FBXO4: variants seen among roughly 807,000 people sequenced by gnomAD.
FBXO4 encodes F-box protein 4.
In FBXO4, 36 loss-of-function variants were observed where a neutral mutation model predicts 43.7. The ratio of observed to expected loss-of-function variants is 0.82; its 90% CI spans 0.63 to 1.09. The LOEUF (loss-of-function observed/expected upper bound fraction) is 1.09, where lower values mean the gene tolerates loss of function less well. Among genes scored for constraint, FBXO4 ranks in the 50% least tolerant of loss-of-function variants. The probability of loss-of-function intolerance (pLI) is 0.00; values close to 1 mark genes in which losing one functional copy is unlikely to be tolerated. For missense variants in FBXO4, 435 were observed against 474.1 expected (o/e 0.92, Z 0.77); for synonymous variants, 180 against 165.6 (o/e 1.09, Z -0.67).
chr5:41,926,462 A>G (rs1227280471), intron 1 of FBXO4, among the ~76,000 whole-genome samples: 1 of 152,160 alleles, frequency 6.6e-6, no homozygotes, highest in Non-Finnish European at 1.5e-5. Context: ...AGTCCCAGCT[A>G]CTTGGGAGGC....
chr5:41,971,501 C>T, the FBXO4 span, among the ~76,000 whole-genome samples: 4 of 151,718 alleles, frequency 2.6e-5, no homozygotes, highest in Non-Finnish European at 4.4e-5. Context: ...ATATTTTTGG[C>T]CTAATAATAA....
chr5:41,993,313 GATATAT>G, the FBXO4 span, among the ~76,000 whole-genome samples: 3 of 151,890 alleles, frequency 2.0e-5, no homozygotes, highest in African/African-American at 7.3e-5. Flanking sequence ...CAGATTTATT[GATATAT>G]ATTTGACAAA....
At chr5:41,961,992 T>C in the FBXO4 span, among the ~76,000 whole-genome samples, 6 of 152,188 alleles carry the variant, frequency 3.9e-5, no homozygotes, top group Admixed American at 3.9e-4. Context: ...AGCAATCTTT[T>C]CTATGTGCAT....
the FBXO4 span, among the ~76,000 whole-genome samples, chr5:41,991,055 C>T: frequency 6.6e-6 from 1 of 152,160 alleles, no homozygotes; most frequent in Non-Finnish European, 1.5e-5. Context: ...GGGTCTGCCT[C>T]ATTACCATCC....
At chr5:41,986,800 A>C in the FBXO4 span, among the ~76,000 whole-genome samples, 1 of 152,180 alleles carries the variant, frequency 6.6e-6, no homozygotes, top group Non-Finnish European at 1.5e-5. Context: ...TGAATCCTCG[A>C]AAAACTTCTG....
intron 5 of FBXO4, chr5:41,935,088 AAAGAT>A (rs1751814508): frequency 1.0e-6 from 1 of 985,178 alleles, no homozygotes; most frequent in Non-Finnish European, 1.2e-6. Context: ...AAGCAAAATA[AAAGAT>A]AAGTTCATTT....
chr5:41,979,527 A>G, the FBXO4 span, among the ~76,000 whole-genome samples: 1 of 152,238 alleles, frequency 6.6e-6, no homozygotes, highest in African/African-American at 2.4e-5. Context: ...CTTACTTTGT[A>G]GTGTTTGATG....
the FBXO4 span, among the ~76,000 whole-genome samples, chr5:42,012,006 G>A: frequency 7.2e-5 from 11 of 152,286 alleles, no homozygotes; most frequent in Admixed American, 3.3e-4. Flanking sequence ...CTCCAAATAC[G>A]TTGGTGGGAA....
the FBXO4 span, among the ~76,000 whole-genome samples, chr5:41,992,704 A>G: frequency 6.6e-6 from 1 of 152,216 alleles, no homozygotes; most frequent in Non-Finnish European, 1.5e-5. Flanking sequence ...GTTATGTAAA[A>G]GTGTTTTGGA....
At chr5:41,939,708 AT>A (rs1338927907) in intron 6 of FBXO4, 92 bp downstream of exon 6, 1 of 1,069,966 alleles carries the variant, frequency 9.3e-7, no homozygotes, top group Non-Finnish European at 1.3e-6. Flanking sequence ...CTTTAATGAA[AT>A]GGCATTCTAA....
At chr5:42,032,993 T>C in the FBXO4 span, among the ~76,000 whole-genome samples, 1 of 152,234 alleles carries the variant, frequency 6.6e-6, no homozygotes. Context: ...AGGCAGCCAG[T>C]TCCCTTCTGG....
the FBXO4 span, among the ~76,000 whole-genome samples, chr5:42,019,188 A>C: frequency 6.6e-6 from 1 of 152,152 alleles, no homozygotes; most frequent in African/African-American, 2.4e-5. Context: ...AAGCATTTCC[A>C]ACAAAAATAT....
At chr5:41,992,224 T>A in the FBXO4 span, among the ~76,000 whole-genome samples, 1 of 152,218 alleles carries the variant, frequency 6.6e-6, no homozygotes, top group African/African-American at 2.4e-5. Flanking sequence ...CATTACTAGT[T>A]GGTTTATTAA....
the FBXO4 span, among the ~76,000 whole-genome samples, chr5:41,998,558 G>T: frequency 6.6e-6 from 1 of 152,112 alleles, no homozygotes; most frequent in African/African-American, 2.4e-5. Context: ...AGAACCTTTT[G>T]TAACTCCATG....
chr5:41,942,450 ATAAT>A (rs1054922014), downstream of FBXO4, among the ~76,000 whole-genome samples: 4 of 150,682 alleles, frequency 2.7e-5, no homozygotes, highest in Non-Finnish European at 4.4e-5. Context: ...TTTCAGTTCT[ATAAT>A]TAAGATATTA....
chr5:42,026,120 T>A, the FBXO4 span, among the ~76,000 whole-genome samples: 28 of 152,054 alleles, frequency 1.8e-4, no homozygotes, highest in African/African-American at 6.7e-4. Context: ...TTCTGTAGAT[T>A]GCTTTGGGTT....
chr5:41,941,402 C>A lies in FBXO4; in HGVS notation c.*121C>A. On this transcript the variant is annotated 3_prime_UTR_variant, in exon 7 of 7. Transcript: ENST00000281623. ...TTTTGCAGATAGGCTTTCATTTGGACAGCTATAACTGCTGTGTTTTTTATA... is the reference window on the plus strand; with the variant it reads ...TTTTGCAGATAGGCTTTCATTTGGAAAGCTATAACTGCTGTGTTTTTTATA... 2 of 698,954 alleles carry A rather than the reference C, an allele frequency of 2.9e-6. No individual in the cohort carries two copies. Among genetic ancestry groups the A allele is most frequent in the Non-Finnish European group, 2.5e-6 (1 of 394,304 alleles). The allele number at this position is 698,954 out of a possible 1,614,324, so 43.3% of individuals were successfully genotyped here.
At chr5:42,034,631 C>A in the FBXO4 span, among the ~76,000 whole-genome samples, 4 of 152,132 alleles carry the variant, frequency 2.6e-5, no homozygotes, top group African/African-American at 7.2e-5. Flanking sequence ...ATCCTTTCCC[C>A]ATTGATTGTT....
the FBXO4 span, among the ~76,000 whole-genome samples, chr5:41,949,450 A>G: frequency 6.6e-6 from 1 of 152,204 alleles, no homozygotes. Flanking sequence ...ATCATGAGTG[A>G]ACTCCCATTC....
Sources: allele counts gnomAD v4.1 joint callset (sites outside exome capture counted in the v4.1 genomes callset), GRCh38; gene constraint gnomAD v4.1.1; transcripts MANE v1.5; gene names NCBI Gene and HGNC (gene_info 2026-07-23, HGNC 2026-07-21).